HCN1: variants seen among roughly 807,000 people sequenced by gnomAD.
HCN1 encodes hyperpolarization activated cyclic nucleotide gated potassium channel 1.
Under a neutral mutation model 78.9 loss-of-function variants are expected in HCN1, and 13 were observed. The observed-to-expected ratio is 0.16, with a 90% confidence interval of 0.11 to 0.26. The LOEUF (loss-of-function observed/expected upper bound fraction) is 0.26, where lower values mean the gene tolerates loss of function less well. HCN1 is among the 10% of genes least tolerant of loss of function. The pLI is 1.00. For synonymous variants in HCN1, 552 were observed against 455.5 expected (o/e 1.21, Z -2.70); for missense variants, 810 against 1,154.3 (o/e 0.70, Z 4.32).
At chr5:45,547,904 T>C (rs919509473) in intron 2 of HCN1, among the ~76,000 whole-genome samples, 7 of 152,006 alleles carry the variant, frequency 4.6e-5, no homozygotes, top group Non-Finnish European at 1.0e-4. Flanking sequence ...CAATATTTAC[T>C]AGTAAATACA....
intron 6 of HCN1, among the ~76,000 whole-genome samples, chr5:45,290,292 G>A (rs1296991587): frequency 6.6e-6 from 1 of 151,970 alleles, no homozygotes; most frequent in Non-Finnish European, 1.5e-5. Context: ...AATTAGCAAT[G>A]TGAGAATGGA....
In HCN1 at chr5:45,459,511, T is replaced by TAC. The variant is rs71997654; in HGVS notation, c.1011+2333_1011+2334dup. 3.6e-4 allele frequency among the ~76,000 whole-genome samples: 54 copies of TAC among 150,722 alleles called. No homozygotes were observed. In the South Asian group the frequency reaches 4.8e-3, roughly 13 times the overall value. Reference sequence around the variant, plus strand: ...TTGGGCTATGTTGGAATAAACATACTACACACACACACACCACAAACACAC... The same window carrying TAC: ...TTGGGCTATGTTGGAATAAACATACTACACACACACACACACCACAAACACAC... On this transcript the variant is annotated intron_variant, in intron 3 of 7. Transcript: ENST00000303230.
In HCN1 at chr5:45,353,184, T is replaced by C; in HGVS notation, c.1293A>G (p.Ile431Met). 6.2e-7 allele frequency: 1 copy of C among 1,608,854 alleles called. No homozygotes were observed. The highest frequency in any genetic ancestry group is 8.5e-7 in the Non-Finnish European group (1 of 1,175,720). ...GGTATCTGTGTTCATAGTAATCATG[T>C]ATCTTCTGACGCATATCAGCTGGTA... ...HKLPADMRQK[I>M]HDYYEHRYQG... is the part of the protein sequence containing the mutation. Residue 431 changes from isoleucine to methionine, a missense_variant, in exon 5 of 8, where the codon ATA (isoleucine) becomes ATG (methionine). Transcript: ENST00000303230.
chr5:45,536,684 T>C (rs1742974535), intron 2 of HCN1, among the ~76,000 whole-genome samples: 2 of 152,232 alleles, frequency 1.3e-5, no homozygotes, highest in Admixed American at 1.3e-4. Flanking sequence ...ATCCAACTGC[T>C]TGTTTTCTTG....
At chr5:45,656,863 C>A (rs1745771836) in intron 1 of HCN1, among the ~76,000 whole-genome samples, 1 of 151,882 alleles carries the variant, frequency 6.6e-6, no homozygotes, top group South Asian at 2.1e-4. Context: ...AAGTTAAATA[C>A]TACTCATTTC....
In HCN1 at chr5:45,289,721, T is replaced by C. The variant is rs542128611; in HGVS notation, c.1618+13878A>G. Among the ~76,000 whole-genome samples, 9 of 152,170 alleles carry C rather than the reference T, an allele frequency of 5.9e-5. No individual in the cohort carries two copies. In the Middle Eastern group the frequency reaches 0.01, roughly 173 times the overall value. The stretch of plus-strand genomic sequence containing the variant: ...ATGTCAAAGGAATCTTCTTATTCTA[T>C]TCAGCACTGTATTAGTTCATTTAAA... On this transcript the variant is annotated intron_variant, in intron 6 of 7. Transcript: ENST00000303230.
In HCN1 at chr5:45,506,346, T is replaced by C. The variant is rs571134988; in HGVS notation, c.850-44339A>G. Among the ~76,000 whole-genome samples the C allele has an allele frequency of 3.3e-5, 5 of 152,228 alleles. No individual in the cohort carries two copies. In the East Asian group the frequency reaches 9.7e-4, roughly 29 times the overall value. Reference sequence around the variant, plus strand: ...TCTGTCAGCTAAATCAGAGACACCATCTACCAGATGACTCATACCAGCAAT... The same window carrying C: ...TCTGTCAGCTAAATCAGAGACACCACCTACCAGATGACTCATACCAGCAAT... On this transcript the variant is annotated intron_variant, in intron 2 of 7. Transcript: ENST00000303230.
chr5:45,372,412 T>C (rs1747418626), intron 4 of HCN1, among the ~76,000 whole-genome samples: 1 of 119,772 alleles, frequency 8.3e-6, no homozygotes, highest in South Asian at 2.4e-4. Context: ...AATATAATTA[T>C]ATAAATATGT....
intron 2 of HCN1, among the ~76,000 whole-genome samples, chr5:45,634,233 C>T (rs1281914454): frequency 2.6e-5 from 4 of 151,890 alleles, no homozygotes; most frequent in Non-Finnish European, 5.9e-5. Flanking sequence ...CATTCATACA[C>T]CTATCCTTTC....
intron 3 of HCN1, among the ~76,000 whole-genome samples, chr5:45,422,738 A>C: frequency 6.6e-6 from 1 of 152,142 alleles, no homozygotes; most frequent in East Asian, 1.9e-4. Flanking sequence ...ACCATAATAC[A>C]TCAGTTTAAA....
chr5:45,465,469 T>A (rs1741248220), intron 2 of HCN1, among the ~76,000 whole-genome samples: 1 of 151,820 alleles, frequency 6.6e-6, no homozygotes, highest in Non-Finnish European at 1.5e-5. Context: ...TTAAAGTAAG[T>A]TTTTCAGCCA....
chr5:45,510,967 C>A (rs537484424), intron 2 of HCN1, among the ~76,000 whole-genome samples: 4 of 152,100 alleles, frequency 2.6e-5, no homozygotes, highest in Admixed American at 6.6e-5. Flanking sequence ...AATTAGCAAT[C>A]TCTTTCTCCC....
chr5:45,481,866 T>G (rs1741659108), intron 2 of HCN1, among the ~76,000 whole-genome samples: 1 of 152,226 alleles, frequency 6.6e-6, no homozygotes, highest in East Asian at 1.9e-4. Context: ...TTTTGAGAGG[T>G]TTACTCTCAG....
intron 5 of HCN1, among the ~76,000 whole-genome samples, chr5:45,347,409 G>A (rs564656231): frequency 3.9e-4 from 60 of 152,258 alleles, no homozygotes; most frequent in Admixed American, 1.7e-3. Context: ...AAACCACAAA[G>A]ATGGGGAAAA....
chr5:45,310,655 C>T lies in HCN1; in HGVS notation c.1378-6816G>A, dbSNP rs146598506. ...AGAAATACCATTCAACCCAGCAATC[C>T]CATTACCAGGTATAAACCCAAAGGA... On this transcript the variant is annotated intron_variant, in intron 5 of 7. Transcript: ENST00000303230. 6.4e-4 allele frequency among the ~76,000 whole-genome samples: 98 copies of T among 152,206 alleles called. 1 individual carries two copies. The East Asian group carries it at 0.011, about 17-fold the overall frequency.
In HCN1 at chr5:45,257,267, T is replaced by A. The variant is rs891367327; in HGVS notation, c.*4654A>T. On this transcript the variant is annotated 3_prime_UTR_variant, in exon 8 of 8. Transcript: ENST00000303230. ...TCAGAAGGTTTTTGAAATCCCTATT[T>A]CCCACTTGATCTGGGTTCCTCTTCA... 13 of 152,192 alleles carry A rather than the reference T, an allele frequency of 8.5e-5. No individual in the cohort carries two copies. Among genetic ancestry groups the A allele is most frequent in the African/African-American group, 3.1e-4 (13 of 41,448 alleles). The allele number at this position is 152,192 out of a possible 1,614,324, so 9.4% of individuals were successfully genotyped here.
At chr5:45,317,571 A>C (rs1451981765) in intron 5 of HCN1, among the ~76,000 whole-genome samples, 3 of 152,148 alleles carry the variant, frequency 2.0e-5, no homozygotes, top group Admixed American at 6.5e-5. Context: ...AATGGGATCT[A>C]ATTAAACTAA....
chr5:45,503,601 T>C (rs1474631592), intron 2 of HCN1, among the ~76,000 whole-genome samples: 1 of 152,218 alleles, frequency 6.6e-6, no homozygotes, highest in African/African-American at 2.4e-5. Flanking sequence ...AATATTTTTA[T>C]ATGTTTTAAA....
At chr5:45,269,648 T>TA (rs1744924014) in intron 6 of HCN1, among the ~76,000 whole-genome samples, 1 of 152,212 alleles carries the variant, frequency 6.6e-6, no homozygotes, top group African/African-American at 2.4e-5. Flanking sequence ...ACATCTCTCT[T>TA]AACTGTCCTA....
Sources: gnomAD v4.1 joint callset for allele counts (sites outside exome capture counted in the v4.1 genomes callset) on GRCh38, gnomAD v4.1.1 for gene constraint, MANE v1.5 for transcripts, NCBI Gene and HGNC (gene_info 2026-07-23, HGNC 2026-07-21) for gene names.